The following TEX46 variants were observed in gnomAD, a reference collection of about 807,000 sequenced individuals.
TEX46 encodes testis expressed 46.
In TEX46, 6 loss-of-function variants were observed where a neutral mutation model predicts 5.3. That is an observed-to-expected ratio of 1.13 (90% CI 0.62 to 2.23). The LOEUF (loss-of-function observed/expected upper bound fraction) is 2.23, where lower values mean the gene tolerates loss of function less well. Among genes scored for constraint, TEX46 ranks in the 30% most tolerant of loss-of-function variants. TEX46 has a pLI of 0.00. For synonymous variants in TEX46, 41 were observed against 54.6 expected (o/e 0.75, Z 1.10); for missense variants, 131 against 150.9 (o/e 0.87, Z 0.69).
Position 23,011,003 on chromosome 1 carries a change from C to T in TEX46, c.264G>A (p.Arg88=). ...IIWNKMNHHG[R]SSRHRNFPMK... ...TGGGAAAATTCCGATGTCTGCTTGA[C>T]CGCCCGTGGTGATTCATTTTATTCC... Residue 88 remains arginine (R), a synonymous_variant, in exon 3 of 3, where the codon CGG becomes CGA. Coordinates refer to ENST00000566855, the MANE Select transcript of TEX46 (RefSeq NM_001242521.2). 1 of 1,535,906 alleles carries T rather than the reference C, an allele frequency of 6.5e-7. No homozygotes were observed. Among genetic ancestry groups the T allele is most frequent in the Non-Finnish European group, 8.7e-7 (1 of 1,146,728 alleles).
At chr1:23,012,869 CTTTT>C (rs58815269) in intron 2 of TEX46, among the ~76,000 whole-genome samples, 10 of 103,032 alleles carry the variant, frequency 9.7e-5, no homozygotes, top group Non-Finnish European at 1.0e-4. Context: ...ATTGTTTTGC[CTTTT>C]TTTTTTTTTT....
At chr1:23,012,535 C>T (rs1242680786) in intron 2 of TEX46, among the ~76,000 whole-genome samples, 2 of 152,214 alleles carry the variant, frequency 1.3e-5, no homozygotes, top group Non-Finnish European at 2.9e-5. Context: ...TGAATATCAT[C>T]ACCTTAACTG....
rs1378480682 is a variant in TEX46 at position 23,010,917 on chromosome 1, G to A, written c.350C>T (p.Ser117Leu). The change falls in exon 3 of 3, where the codon TCG becomes TTG. Residue 117 changes from serine to leucine, a missense_variant. By Grantham distance (145) the Ser-to-Leu change is moderately radical. Coordinates refer to ENST00000566855, the MANE Select transcript of TEX46 (RefSeq NM_001242521.2). ...SICPTLSDCT[S>L]SSPS is the part of the protein sequence containing the mutation. Reference sequence around the variant, plus strand: ...TCGGCCTCATTAGCTGGGGGAACTCGAAGTACAGTCAGACAGGGTGGGGCA... The same window carrying A: ...TCGGCCTCATTAGCTGGGGGAACTCAAAGTACAGTCAGACAGGGTGGGGCA... The A allele has an allele frequency of 1.3e-6, 2 of 1,527,862 alleles. No individual in the cohort carries two copies. The highest frequency in any genetic ancestry group is 1.8e-6 in the Non-Finnish European group (2 of 1,139,960). 94.6% of individuals were successfully genotyped at this position (1,527,862 alleles called of 1,614,324 possible).
At position 23,013,967 on chromosome 1, in the gene TEX46, C is replaced by T. The variant is rs940280141; in HGVS notation, c.81G>A (p.Leu27=). Reference sequence around the variant, plus strand: ...ACAGCAGAAGGAATAGGAACCCAAACAAGGCTGGCTTATAGCTCATCAGCC... The same window carrying T: ...ACAGCAGAAGGAATAGGAACCCAAATAAGGCTGGCTTATAGCTCATCAGCC... ...AAWLMSYKPA[L]FGFLFLLLLL... is the part of the protein sequence containing the mutation. The change falls in exon 2 of 3, where the codon TTG becomes TTA. Residue 27 remains leucine, a synonymous_variant. Coordinates refer to ENST00000566855, the MANE Select transcript of TEX46 (RefSeq NM_001242521.2). 2.0e-6 allele frequency: 3 copies of T among 1,535,976 alleles called. No homozygotes were observed. The African/African-American group carries it at 4.1e-5, about 21-fold the overall frequency.
chr1:23,010,916 C>G lies in TEX46; in HGVS notation c.351G>C (p.Ser117=), dbSNP rs1641344117. 1 of 1,527,728 alleles carries G rather than the reference C, an allele frequency of 6.5e-7. No individual in the cohort carries two copies. Among genetic ancestry groups the G allele is most frequent in the Non-Finnish European group, 8.8e-7 (1 of 1,139,788 alleles). The allele number at this position is 1,527,728 out of a possible 1,614,324, so 94.6% of individuals were successfully genotyped here. The change falls in exon 3 of 3, where the codon TCG becomes TCC. Residue 117 remains serine (S), a synonymous_variant. Coordinates refer to ENST00000566855, the MANE Select transcript of TEX46 (RefSeq NM_001242521.2). ...CTCGGCCTCATTAGCTGGGGGAACT[C>G]GAAGTACAGTCAGACAGGGTGGGGC... The part of the protein sequence containing the change: ...SICPTLSDCT[S]SSPS
At position 23,011,259 on chromosome 1, in the gene TEX46, C is replaced by T. The variant is rs1015347038; in HGVS notation, c.166-158G>A. The T allele has an allele frequency of 7.3e-5, 44 of 606,306 alleles. No homozygotes were observed. The Admixed American group carries it at 1.2e-3, about 17-fold the overall frequency. 37.6% of individuals were successfully genotyped at this position (606,306 alleles called of 1,614,324 possible). A position where few individuals can be genotyped will look rare whatever the true frequency, so the allele number is the denominator to read the frequency against. The stretch of plus-strand genomic sequence containing the variant: ...AGTTGGTTAATAATGATAATCCCTT[C>T]CTTGCTTGAACACCTGCTCTGTGCC... On this transcript the variant is annotated intron_variant, in intron 2 of 2. Transcript: ENST00000566855.
At chr1:23,013,329 C>T (rs1007366755) in intron 2 of TEX46, among the ~76,000 whole-genome samples, 8 of 152,082 alleles carry the variant, frequency 5.3e-5, no homozygotes, top group Admixed American at 3.9e-4. Flanking sequence ...TGTGTCACCA[C>T]ACCCAGCTAA....
chr1:23,010,983 A>G lies in TEX46; in HGVS notation c.284T>C (p.Phe95Ser), dbSNP rs1403957576. Reference protein sequence around the residue: ...HHGRSSRHRNFPMKKHRMRRH... With the variant: ...HHGRSSRHRNSPMKKHRMRRH... ...CCTCATTCTGTGTTTTTTCATGGGA[A>G]AATTCCGATGTCTGCTTGACCGCCC... The change falls in exon 3 of 3, where the codon TTT (phenylalanine) becomes TCT (serine). Residue 95 changes from phenylalanine (F) to serine (S), a missense_variant. Transcript: ENST00000566855. 2.0e-6 allele frequency: 3 copies of G among 1,535,668 alleles called. No homozygotes were observed. The African/African-American group carries it at 4.1e-5, about 21-fold the overall frequency.
rs532799416 is a variant in TEX46 at position 23,012,016 on chromosome 1, T to C, written c.166-915A>G. ...TGGTTAATAACACTTATTTTTTTTTTCTTTTTGGATTCAGCTACAAACTAA... is the reference window on the plus strand; with the variant it reads ...TGGTTAATAACACTTATTTTTTTTTCCTTTTTGGATTCAGCTACAAACTAA... On this transcript the variant is annotated intron_variant, in intron 2 of 2. Coordinates refer to ENST00000566855, the MANE Select transcript of TEX46 (RefSeq NM_001242521.2). Among the ~76,000 whole-genome samples, 43 of 152,256 alleles carry C rather than the reference T, an allele frequency of 2.8e-4. No individual in the cohort carries two copies. In the South Asian group the frequency reaches 8.7e-3, roughly 31 times the overall value.
Position 23,014,208 on chromosome 1 carries a change from T to C in TEX46, c.3-163A>G, listed in dbSNP as rs74062843. On this transcript the variant is annotated intron_variant, in intron 1 of 2. Transcript: ENST00000566855. ...GCTGCCGCATAACAATAATAATAAC[T>C]CCTCCTTTGTCTGAAGCACCCACTA... is the stretch of plus-strand genomic sequence containing the variant. 0.011 allele frequency: 13,117 copies of C among 1,146,618 alleles called. 1,039 individuals carry two copies. In the African/African-American group the frequency reaches 0.2, roughly 17 times the overall value. 71.0% of individuals were successfully genotyped at this position (1,146,618 alleles called of 1,614,324 possible).
chr1:23,013,880 C>A lies in TEX46; in HGVS notation c.165+3G>T. 6.5e-7 allele frequency: 1 copy of A among 1,535,666 alleles called. No individual in the cohort carries two copies. Among genetic ancestry groups the A allele is most frequent in the South Asian group, 1.2e-5 (1 of 83,960 alleles). On this transcript the variant is annotated splice_donor_region_variant and intron_variant, in intron 2 of 2. Coordinates refer to ENST00000566855, the MANE Select transcript of TEX46 (RefSeq NM_001242521.2). ...CTGAAGCCAAGCCCCATCTTGTGCT[C>A]ACCTGCTGGGGCTCTGGGAGGGTGA...
In TEX46 at chr1:23,015,742, A is replaced by G. The variant is rs1477525042; in HGVS notation, c.2+30T>C. ...TAAGTGAAATAAGTCAGTCACAAAA[A>G]AAAAACAAATACCGTATGATTCCAC... On this transcript the variant is annotated intron_variant, in intron 1 of 2. Transcript: ENST00000566855. 5.7e-6 allele frequency: 4 copies of G among 698,144 alleles called. No individual in the cohort carries two copies. In the African/African-American group the frequency reaches 7.0e-5, roughly 12 times the overall value. 43.2% of individuals were successfully genotyped at this position (698,144 alleles called of 1,614,324 possible).
In TEX46 at chr1:23,011,035, T is replaced by C. The variant is rs1456297742; in HGVS notation, c.232A>G (p.Ile78Val). The C allele has an allele frequency of 6.5e-7, 1 of 1,536,052 alleles. No homozygotes were observed. Among genetic ancestry groups the C allele is most frequent in the Non-Finnish European group, 8.7e-7 (1 of 1,146,838 alleles). Residue 78 changes from isoleucine (I) to valine (V), a missense_variant, in exon 3 of 3, where the codon ATC (isoleucine) becomes GTC (valine). By Grantham distance (29) the Ile-to-Val change is conservative. Transcript: ENST00000566855. Reference sequence around the variant, plus strand: ...TGGTGATTCATTTTATTCCATATGATGAACATCTGATTTTCTAGGACCTTC... The same window carrying C: ...TGGTGATTCATTTTATTCCATATGACGAACATCTGATTTTCTAGGACCTTC... ...KMKVLENQMF[I>V]IWNKMNHHGR...
chr1:23,015,653 C>T, intron 1 of TEX46, 119 bp downstream of exon 1: 1 of 622,150 alleles, frequency 1.6e-6, no homozygotes. Flanking sequence ...GCAATATTAC[C>T]AGCCTTAAAA....
chr1:23,015,784 C>T lies in TEX46; in HGVS notation c.-11G>A, dbSNP rs1437200657. On this transcript the variant is annotated 5_prime_UTR_variant, in exon 1 of 3. Coordinates refer to ENST00000566855, the MANE Select transcript of TEX46 (RefSeq NM_001242521.2). ...TGATTCCACTTACATGAGCTATCTA[C>T]AATAGTCAAATTCATAGAGGCAAAG... is the stretch of plus-strand genomic sequence containing the variant. 5.8e-6 allele frequency: 4 copies of T among 695,558 alleles called. No homozygotes were observed. Among genetic ancestry groups the T allele is most frequent in the East Asian group, 2.7e-5 (1 of 37,144 alleles). The allele number at this position is 695,558 out of a possible 1,614,324, so 43.1% of individuals were successfully genotyped here.
At chr1:23,011,505 G>A (rs1053934580) in intron 2 of TEX46, among the ~76,000 whole-genome samples, 3 of 150,972 alleles carry the variant, frequency 2.0e-5, no homozygotes, top group Non-Finnish European at 4.4e-5. Flanking sequence ...CGATTCTTCT[G>A]CCTCAGCCTC....
At chr1:23,012,371 A>C (rs921952491) in intron 2 of TEX46, among the ~76,000 whole-genome samples, 18 of 143,964 alleles carry the variant, frequency 1.3e-4, no homozygotes, top group African/African-American at 4.3e-4. Flanking sequence ...AAAAAAAAAA[A>C]GGTTAACTGA....
At chr1:23,011,663 G>C (rs1226481704) in intron 2 of TEX46, among the ~76,000 whole-genome samples, 4 of 152,326 alleles carry the variant, frequency 2.6e-5, no homozygotes, top group African/African-American at 9.6e-5. Context: ...GACCTCAGGT[G>C]ATCTGCCCGC....
rs1258877098 is a variant in TEX46, at chr1:23,015,839, G to A, written c.-66C>T. On this transcript the variant is annotated 5_prime_UTR_variant, in exon 1 of 3. Transcript: ENST00000566855. Reference sequence around the variant, plus strand: ...GAATGGTGGCTGCCAGGGTCTGGAAGGAGGGGCAAATGTAGTCATTGTTTA... The same window carrying A: ...GAATGGTGGCTGCCAGGGTCTGGAAAGAGGGGCAAATGTAGTCATTGTTTA... The A allele has an allele frequency of 1.5e-6, 1 of 676,178 alleles. No individual in the cohort carries two copies. The highest frequency in any genetic ancestry group is 1.6e-5 in the South Asian group (1 of 62,650). 41.9% of individuals were successfully genotyped at this position (676,178 alleles called of 1,614,324 possible).
Sources: allele counts gnomAD v4.1 joint callset (sites outside exome capture counted in the v4.1 genomes callset), GRCh38; gene constraint gnomAD v4.1.1; transcripts MANE v1.5; gene names NCBI Gene and HGNC (gene_info 2026-07-23, HGNC 2026-07-21).